The following DDX5 variants were observed in gnomAD, a reference collection of about 807,000 sequenced individuals.
DDX5 encodes the protein probable ATP-dependent RNA helicase DDX5.
Under a neutral mutation model 68.6 loss-of-function variants are expected in DDX5, and 6 were observed. The observed-to-expected ratio is 0.09, with a 90% CI of 0.05 to 0.17. DDX5 has a LOEUF of 0.17. Among genes scored for constraint, DDX5 ranks in the 10% least tolerant of loss-of-function variants. DDX5 has a pLI of 1.00. For synonymous variants in DDX5, 350 were observed against 247.0 expected (o/e 1.42, Z -3.91); for missense variants, 499 against 756.1 (o/e 0.66, Z 3.99).
chr17:64,502,632 T>A (rs1555671334), intron 8 of DDX5, 83 bp from the exon 9 acceptor site: 1 of 1,017,440 alleles, frequency 9.8e-7, no homozygotes, highest in African/African-American at 1.6e-5. Context: ...AGCAAAACAT[T>A]AAGTTCAATT....
chr17:64,506,360 G>A (rs1181855611), upstream of DDX5: 2 of 1,438,334 alleles, frequency 1.4e-6, no homozygotes, highest in African/African-American at 1.4e-5. Flanking sequence ...GCTGGGAGCC[G>A]CTCTATGACC....
Position 64,500,504 on chromosome 17 carries a change from C to T in DDX5, c.1441+45G>A, listed in dbSNP as rs560722289. Reference sequence around the variant, plus strand: ...ACCATTTAAATGGATTTGTAGACAACGATGTGACTCGTAACTACCAACATT... The same window carrying T: ...ACCATTTAAATGGATTTGTAGACAATGATGTGACTCGTAACTACCAACATT... On this transcript the variant is annotated intron_variant, in intron 12 of 12. Coordinates refer to ENST00000225792, the MANE Select transcript of DDX5 (RefSeq NM_004396.5). 3.2e-5 allele frequency: 51 copies of T among 1,571,388 alleles called. 1 individual carries two copies. The highest frequency in any genetic ancestry group is 3.2e-4 in the South Asian group (28 of 88,576).
chr17:64,503,626 T>C, intron 5 of DDX5, 55 bp from the exon 6 acceptor site: 1 of 1,599,222 alleles, frequency 6.3e-7, no homozygotes, highest in Non-Finnish European at 8.5e-7. Flanking sequence ...TTTAAACTGC[T>C]AACTTATTAT....
In DDX5 at chr17:64,504,289, C is replaced by T. The variant is rs782806630; in HGVS notation, c.240G>A (p.Lys80=). 5 of 1,613,970 alleles carry T rather than the reference C, an allele frequency of 3.1e-6. No homozygotes were observed. Among genetic ancestry groups the T allele is most frequent in the Non-Finnish European group, 4.2e-6 (5 of 1,179,988 alleles). ...AGTTGTGACCTCTAACTGTAATTTC[C>T]TTGCTTCTTCTGTATGTTTCCACCT... ...AQEVETYRRS[K]EITVRGHNCP... Residue 80 remains lysine, a synonymous_variant, in exon 3 of 13, where the codon AAG becomes AAA. Transcript: ENST00000225792.
At chr17:64,505,071 A>G (rs1235059044) in intron 1 of DDX5, 13 of 410,744 alleles carry the variant, frequency 3.2e-5, no homozygotes, top group Middle Eastern at 6.3e-4. Context: ...GGGATTTATC[A>G]TGTCGGAAGC....
chr17:64,504,127 T>G lies in DDX5; in HGVS notation c.308-11A>C. 2 of 1,613,878 alleles carry G rather than the reference T, an allele frequency of 1.2e-6. No homozygotes were observed. The highest frequency in any genetic ancestry group is 1.7e-6 in the Non-Finnish European group (2 of 1,179,804). On this transcript the variant is annotated splice_polypyrimidine_tract_variant and intron_variant, in intron 3 of 12. Coordinates refer to ENST00000225792, the MANE Select transcript of DDX5 (RefSeq NM_004396.5). ...CATCCATGACATTTGCTATAATTAG[T>G]AACAGATATTTAGTAAAAATTAGTG...
At chr17:64,506,857 G>A, upstream of DDX5, 2 of 618,154 alleles carry the variant, frequency 3.2e-6, no homozygotes, top group Non-Finnish European at 5.8e-6. Flanking sequence ...TTGGTCGGCG[G>A]AGAATGGTCT....
chr17:64,505,350 C>A, intron 1 of DDX5: 1 of 416,806 alleles, frequency 2.4e-6, no homozygotes, highest in Non-Finnish European at 4.4e-6. Context: ...CTAGCAAACC[C>A]AGCTGGGGGA....
chr17:64,503,699 A>T (rs1222400864), intron 5 of DDX5, 104 bp downstream of exon 5: 4 of 1,523,794 alleles, frequency 2.6e-6, no homozygotes, highest in Non-Finnish European at 2.7e-6. Flanking sequence ...GAATAGGGTG[A>T]GCTAACCTCT....
chr17:64,500,134 A>T lies in DDX5; in HGVS notation c.1634T>A (p.Phe545Tyr). ...YSAANYTNGS[F>Y]GSNFVSAGIQ... is the part of the protein sequence containing the mutation. The stretch of plus-strand genomic sequence containing the variant: ...ACCAGCAGACACAAAATTACTTCCA[A>T]AGCTCCCATTGGTGTAATTTGCAGC... The change falls in exon 13 of 13, where the codon TTT becomes TAT. Residue 545 changes from phenylalanine to tyrosine, a missense_variant. Phe to Tyr is a conservative substitution (Grantham distance 22). This residue lies in a region of DDX5 where 171 missense variants were observed against 174.8 expected (regional missense o/e 0.98). Coordinates refer to ENST00000225792, the MANE Select transcript of DDX5 (RefSeq NM_004396.5). The T allele has an allele frequency of 6.2e-7, 1 of 1,614,148 alleles. No homozygotes were observed. Among genetic ancestry groups the T allele is most frequent in the Non-Finnish European group, 8.5e-7 (1 of 1,180,014 alleles).
rs782007809 is a variant in DDX5, at chr17:64,504,646, C to T, written c.210+31G>A. 1.8e-5 allele frequency: 29 copies of T among 1,579,710 alleles called. No individual in the cohort carries two copies. The South Asian group carries it at 3.2e-4, about 17-fold the overall frequency. On this transcript the variant is annotated intron_variant, in intron 2 of 12. Coordinates refer to ENST00000225792, the MANE Select transcript of DDX5 (RefSeq NM_004396.5). Reference sequence around the variant, plus strand: ...TTTACTAGAATCCACGATCGAGTTACAGCCTGATGAAGCCACATGAATTTA... The same window carrying T: ...TTTACTAGAATCCACGATCGAGTTATAGCCTGATGAAGCCACATGAATTTA...
Position 64,504,859 on chromosome 17 carries a change from C to A in DDX5, c.45-17G>T. On this transcript the variant is annotated splice_polypyrimidine_tract_variant and intron_variant, in intron 1 of 12. Transcript: ENST00000225792. ...GCACCAAACCTGGAATGAAAAAAAA[C>A]GTTATTCACATTTTCAAATGGCTAT... 6.3e-7 allele frequency: 1 copy of A among 1,587,776 alleles called. No individual in the cohort carries two copies. The highest frequency in any genetic ancestry group is 1.2e-5 in the South Asian group (1 of 86,462).
intron 5 of DDX5, 77 bp downstream of exon 5, chr17:64,503,726 A>G (rs540622709): frequency 2.6e-6 from 4 of 1,552,526 alleles, no homozygotes; most frequent in South Asian, 2.3e-5. Context: ...AACCACCACA[A>G]ATGATTACAT....
chr17:64,504,943 A>G (rs1468619369), intron 1 of DDX5, 101 bp from the exon 2 acceptor site: 14 of 1,119,210 alleles, frequency 1.3e-5, no homozygotes, highest in Non-Finnish European at 1.8e-5. Flanking sequence ...CACTGAAAAC[A>G]GACTTCGAGA....
At chr17:64,501,888 G>C in intron 11 of DDX5, 122 bp downstream of exon 11, 3 of 987,428 alleles carry the variant, frequency 3.0e-6, no homozygotes, top group Non-Finnish European at 4.7e-6. Flanking sequence ...CACAAAGACA[G>C]CACCTTTATG....
rs782563984 is a variant in DDX5 at position 64,503,586 on chromosome 17, A to G, written c.508-15T>C. On this transcript the variant is annotated splice_polypyrimidine_tract_variant and intron_variant, in intron 5 of 12. Coordinates refer to ENST00000225792, the MANE Select transcript of DDX5 (RefSeq NM_004396.5). ...AGCACCAAACACTAAGGAAAGAGAA[A>G]CAGCTTTCAGCACAAACCTGGATAC... is the stretch of plus-strand genomic sequence containing the variant. 1.2e-6 allele frequency: 2 copies of G among 1,612,902 alleles called. No homozygotes were observed. The highest frequency in any genetic ancestry group is 8.5e-7 in the Non-Finnish European group (1 of 1,179,570).
intron 1 of DDX5, chr17:64,505,337 C>A (rs2038432990): frequency 7.5e-6 from 3 of 397,980 alleles, no homozygotes; most frequent in East Asian, 9.5e-5. Context: ...AGAAACACTT[C>A]TGCTAGCAAA....
chr17:64,502,914 A>G lies in DDX5; in HGVS notation c.983+12T>C, dbSNP rs1202646243. ...GTTAGGAAGCAAATATAACAGAGTTAATAAAACTTACTTTTCATCCTTTTC... is the reference window on the plus strand; with the variant it reads ...GTTAGGAAGCAAATATAACAGAGTTGATAAAACTTACTTTTCATCCTTTTC... On this transcript the variant is annotated intron_variant, in intron 8 of 12. Coordinates refer to ENST00000225792, the MANE Select transcript of DDX5 (RefSeq NM_004396.5). 3.2e-6 allele frequency: 5 copies of G among 1,570,364 alleles called. No homozygotes were observed. Among genetic ancestry groups the G allele is most frequent in the African/African-American group, 1.4e-5 (1 of 73,324 alleles).
In DDX5 at chr17:64,503,838, G is replaced by A; in HGVS notation, c.472C>T (p.His158Tyr). 6.2e-7 allele frequency: 1 copy of A among 1,614,236 alleles called. No individual in the cohort carries two copies. Among genetic ancestry groups the A allele is most frequent in the Non-Finnish European group, 8.5e-7 (1 of 1,180,038 alleles). ...TCGCCTCTCTCTAGGAATGGCTGAT[G>A]ATTGATGTGGACAATGGCAGGAAGC... is the stretch of plus-strand genomic sequence containing the variant. ...YLLPAIVHIN[H>Y]QPFLERGDGP... The change falls in exon 5 of 13, where the codon CAT (histidine) becomes TAT (tyrosine). Residue 158 changes from histidine (H) to tyrosine (Y), a missense_variant. His to Tyr is a moderately conservative substitution (Grantham distance 83). This residue lies in a region of DDX5 where 141 missense variants were observed against 279.8 expected (regional missense o/e 0.50). Coordinates refer to ENST00000225792, the MANE Select transcript of DDX5 (RefSeq NM_004396.5).
Sources: gnomAD v4.1 joint callset for allele counts on GRCh38, gnomAD v4.1.1 for gene constraint, gnomAD v4.1.1 regional missense constraint, MANE v1.5 for transcripts, NCBI Gene and HGNC (gene_info 2026-07-23, HGNC 2026-07-21) for gene names.